TNKS1BP1: variants seen among roughly 807,000 people sequenced by gnomAD.
TNKS1BP1 encodes 182 kDa tankyrase-1-binding protein.
In TNKS1BP1, 48 loss-of-function variants were observed where a neutral mutation model predicts 141.1. The observed-to-expected ratio is 0.34, with a 90% CI of 0.27 to 0.43. The LOEUF (loss-of-function observed/expected upper bound fraction) is 0.43, where lower values mean the gene tolerates loss of function less well. TNKS1BP1 is among the 20% of genes least tolerant of loss of function. The pLI is 1.00. For synonymous variants in TNKS1BP1, 875 were observed against 898.2 expected (o/e 0.97, Z 0.46); for missense variants, 2,149 against 2,226.0 (o/e 0.97, Z 0.70).
At position 57,320,559 on chromosome 11, in the gene TNKS1BP1, A is replaced by G; in HGVS notation, c.248T>C (p.Met83Thr). 1.2e-6 allele frequency: 2 copies of G among 1,614,110 alleles called. No homozygotes were observed. The highest frequency in any genetic ancestry group is 1.7e-6 in the Non-Finnish European group (2 of 1,180,000). The change falls in exon 3 of 12, where the codon ATG (methionine) becomes ACG (threonine). Residue 83 changes from methionine to threonine, a missense_variant. Coordinates refer to ENST00000358252, the MANE Select transcript of TNKS1BP1 (RefSeq NM_033396.3). Reference protein sequence around the residue: ...AELPSARKMNMLAGPQPYGGS... With the variant: ...AELPSARKMNTLAGPQPYGGS... ...ACCATAGGGCTGGGGTCCTGCCAGC[A>G]TGTTCATCTTCCTGGCAGAAGGCAA...
At chr11:57,322,066 T>C in intron 1 of TNKS1BP1, 116 bp from the exon 2 acceptor site, 1 of 371,334 alleles carries the variant, frequency 2.7e-6, no homozygotes, top group Non-Finnish European at 3.6e-6. Context: ...AGAGAGAACT[T>C]GGAGTGGGGG....
In TNKS1BP1 at chr11:57,300,526, A is replaced by C; in HGVS notation, c.*12+2T>G. On this transcript the variant is annotated splice_donor_variant, in intron 11 of 11. Coordinates refer to ENST00000358252, the MANE Select transcript of TNKS1BP1 (RefSeq NM_033396.3). LOFTEE classifies it low-confidence loss of function (3UTR_SPLICE). ...GATCCAAGCCCAGGAACCTGTCCTCACCTCAGTGACTTCTCAGACCTTCTT... is the reference window on the plus strand; with the variant it reads ...GATCCAAGCCCAGGAACCTGTCCTCCCCTCAGTGACTTCTCAGACCTTCTT... 6.2e-7 allele frequency: 1 copy of C among 1,614,172 alleles called. No homozygotes were observed.
chr11:57,321,755 T>G, intron 2 of TNKS1BP1, 37 bp downstream of exon 2: 730 of 656,080 alleles, frequency 1.1e-3, no homozygotes, highest in Non-Finnish European at 1.5e-3. Context: ...CCCACCCCCC[T>G]CCCAGCCACC....
chr11:57,324,591 C>A (rs1205024222), intron 1 of TNKS1BP1, among the ~76,000 whole-genome samples: 1 of 151,482 alleles, frequency 6.6e-6, no homozygotes, highest in Admixed American at 6.6e-5. Flanking sequence ...CCCCTCCCCC[C>A]TTTCTTCTGG....
intron 1 of TNKS1BP1, among the ~76,000 whole-genome samples, chr11:57,323,673 A>G (rs1354439026): frequency 6.6e-6 from 1 of 152,196 alleles, no homozygotes; most frequent in Admixed American, 6.5e-5. Flanking sequence ...ACCACCACGG[A>G]AGACTGCCCA....
Position 57,312,699 on chromosome 11 carries a change from T to C in TNKS1BP1, c.1989A>G (p.Thr663=). The change falls in exon 5 of 12, where the codon ACA becomes ACG. Residue 663 remains threonine (T), a synonymous_variant. Transcript: ENST00000358252. ...LARAETTQAR[T]EAQDLCRASP... ...ATGCCCTACACAAGTCTTGAGCCTC[T>C]GTCCTGGCTTGGGTGGTCTCAGCCC... The C allele has an allele frequency of 6.4e-7, 1 of 1,568,588 alleles. No homozygotes were observed. The highest frequency in any genetic ancestry group is 8.6e-7 in the Non-Finnish European group (1 of 1,157,320).
intron 4 of TNKS1BP1, among the ~76,000 whole-genome samples, 163 bp downstream of exon 4, chr11:57,317,655 G>C (rs1189132091): frequency 1.3e-5 from 2 of 152,220 alleles, no homozygotes; most frequent in African/African-American, 4.8e-5. Flanking sequence ...CAAGAGCACT[G>C]GCCCAGGAGT....
chr11:57,308,360 C>T (rs547439827), intron 6 of TNKS1BP1, 35 bp downstream of exon 6: 2 of 1,575,886 alleles, frequency 1.3e-6, no homozygotes, highest in East Asian at 2.3e-5. Context: ...TTCACATGTT[C>T]CCTCCCACAC....
rs749885153 is a variant in TNKS1BP1 at position 57,310,427 on chromosome 11, T to A, written c.2284A>T (p.Ser762Cys). The change falls in exon 6 of 12, where the codon AGC becomes TGC. Residue 762 changes from serine (S) to cysteine (C), a missense_variant. Transcript: ENST00000358252. ...CCGAGACCTGGGTCTCCTCTAGGGC[T>A]TGCACCCCCAAGGCCATAGTCCTGA... ...ASQDYGLGGA[S>C]PRGDPGLGER... 6.2e-7 allele frequency: 1 copy of A among 1,613,782 alleles called. No homozygotes were observed. Among genetic ancestry groups the A allele is most frequent in the Non-Finnish European group, 8.5e-7 (1 of 1,180,022 alleles).
intron 6 of TNKS1BP1, among the ~76,000 whole-genome samples, chr11:57,305,011 C>T (rs1195653506): frequency 2.0e-5 from 3 of 152,098 alleles, no homozygotes; most frequent in Admixed American, 6.6e-5. Context: ...AGTGCAGCTA[C>T]GTCCACCCCG....
At chr11:57,308,214 G>A (rs1206670886) in intron 6 of TNKS1BP1, among the ~76,000 whole-genome samples, 181 bp downstream of exon 6, 4 of 152,208 alleles carry the variant, frequency 2.6e-5, no homozygotes, top group Non-Finnish European at 4.4e-5. Flanking sequence ...TCACCTGTAT[G>A]TGTATCATAT....
Position 57,309,610 on chromosome 11 carries a change from T to C in TNKS1BP1, c.3101A>G (p.His1034Arg). ...SGGLFSPSTAHVPDGALGQRD... is the reference protein window; with the variant it reads ...SGGLFSPSTARVPDGALGQRD... ...CTGCCCGAGTGCCCCATCCGGCACG[T>C]GGGCAGTGCTAGGACTGAACAAGCC... The change falls in exon 6 of 12, where the codon CAC (histidine) becomes CGC (arginine). Residue 1034 changes from histidine to arginine, a missense_variant. Physicochemically the swap from His to Arg is conservative, Grantham distance 29 (BLOSUM62 0). Coordinates refer to ENST00000358252, the MANE Select transcript of TNKS1BP1 (RefSeq NM_033396.3). This position sits in a 1 kb window ranked among gnomAD's most constrained non-coding sequence, Gnocchi z 4.3. The C allele has an allele frequency of 6.2e-7, 1 of 1,613,990 alleles. No homozygotes were observed.
chr11:57,322,044 T>G (rs1048805728), intron 1 of TNKS1BP1, 94 bp from the exon 2 acceptor site: 90 of 739,932 alleles, frequency 1.2e-4, no homozygotes, highest in South Asian at 1.6e-4. Flanking sequence ...AGAGGCAGAG[T>G]GTGGGACAGG....
In TNKS1BP1 at chr11:57,302,405, C is replaced by T; in HGVS notation, c.4683+54G>A. ...GCTCAGGGAAGCTCCAGGAATGGGG[C>T]TCTCGCTGCATCGCCCTCACCCACC... On this transcript the variant is annotated intron_variant, in intron 7 of 11. Transcript: ENST00000358252. The surrounding 1 kb of genome is among the most constrained non-coding windows in gnomAD (Gnocchi z 5.5). 1.3e-6 allele frequency: 2 copies of T among 1,548,182 alleles called. No individual in the cohort carries two copies. The highest frequency in any genetic ancestry group is 2.5e-5 in the South Asian group (2 of 81,490).
At chr11:57,305,692 C>A (rs1590578545) in intron 6 of TNKS1BP1, among the ~76,000 whole-genome samples, 2 of 152,328 alleles carry the variant, frequency 1.3e-5, no homozygotes, top group South Asian at 2.1e-4. Context: ...CCACAGCCAC[C>A]AGCCGTGGGA....
intron 6 of TNKS1BP1, among the ~76,000 whole-genome samples, chr11:57,303,657 C>T (rs1374721089): frequency 3.3e-5 from 5 of 152,204 alleles, no homozygotes; most frequent in East Asian, 1.9e-4. Flanking sequence ...CCTGGCTACG[C>T]GCCGGACTAA....
chr11:57,318,889 A>G (rs1159243454), intron 3 of TNKS1BP1, among the ~76,000 whole-genome samples: 2 of 152,206 alleles, frequency 1.3e-5, no homozygotes, highest in African/African-American at 4.8e-5. Context: ...TCACGCCTGT[A>G]ATCCCAGCAC....
intron 6 of TNKS1BP1, among the ~76,000 whole-genome samples, chr11:57,307,463 C>T (rs1855630940): frequency 6.6e-6 from 1 of 152,058 alleles, no homozygotes; most frequent in Non-Finnish European, 1.5e-5. Context: ...TCTCCTCCTC[C>T]ATCCCAAATG....
intron 4 of TNKS1BP1, among the ~76,000 whole-genome samples, chr11:57,315,923 A>C (rs979061767): frequency 6.6e-6 from 1 of 151,572 alleles, no homozygotes; most frequent in Non-Finnish European, 1.5e-5. Context: ...CAGCACACAA[A>C]CTGCTCTAAT....
Sources: allele counts gnomAD v4.1 joint callset (sites outside exome capture counted in the v4.1 genomes callset), GRCh38; gene constraint gnomAD v4.1.1; non-coding constraint Gnocchi (gnomAD v3.1); transcripts MANE v1.5; gene names NCBI Gene and HGNC (gene_info 2026-07-23, HGNC 2026-07-21).